The following DPEP2 variants were observed in gnomAD, a reference collection of about 807,000 sequenced individuals.
DPEP2 encodes the protein dipeptidase 2.
DPEP2 carries 45 observed loss-of-function variants against 51.8 expected under a neutral mutation model. The observed-to-expected ratio is 0.87, with a 90% CI of 0.68 to 1.11. The LOEUF is 1.11. Among genes scored for constraint, DPEP2 ranks in the 50% most tolerant of loss-of-function variants. The probability of loss-of-function intolerance (pLI) is 0.00; values close to 1 mark genes in which losing one functional copy is unlikely to be tolerated. For missense variants in DPEP2, 604 were observed against 631.9 expected, an observed-to-expected ratio of 0.96 and a Z score of 0.47; for synonymous variants, 255 against 262.7, an observed-to-expected ratio of 0.97 and a Z score of 0.28.
At chr16:67,988,314 G>T (rs1379333825) in intron 9 of DPEP2, among the ~76,000 whole-genome samples, 1 of 152,084 alleles carries the variant, frequency 6.6e-6, no homozygotes, top group Non-Finnish European at 1.5e-5. Context: ...GGAGGCCAAG[G>T]TGGGCGGATC....
Position 67,990,961 on chromosome 16 carries a change from C to G in DPEP2, c.769G>C (p.Val257Leu). 6.2e-7 allele frequency: 1 copy of G among 1,614,204 alleles called. No individual in the cohort carries two copies. The highest frequency in any genetic ancestry group is 8.5e-7 in the Non-Finnish European group (1 of 1,180,024). The change falls in exon 7 of 11, where the codon GTA (valine) becomes CTA (leucine). Residue 257 changes from valine to leucine, a missense_variant. Coordinates refer to ENST00000393847, the MANE Select transcript of DPEP2 (RefSeq NM_022355.4). ...GCATCTGAGACATGGGATAAGTCTA[C>G]CATCATGCCCAGGCGGTTCATTTCT... ...VAEMNRLGMM[V>L]DLSHVSDAVA...
Position 67,992,168 on chromosome 16 carries a change from T to C in DPEP2, c.416A>G (p.Gln139Arg), listed in dbSNP as rs763783491. The change falls in exon 4 of 11, where the codon CAG (glutamine) becomes CGG (arginine). Residue 139 changes from glutamine to arginine, a missense_variant. Coordinates refer to ENST00000393847, the MANE Select transcript of DPEP2 (RefSeq NM_022355.4). Reference sequence around the variant, plus strand: ...GCGCAGGGCATCCCGGTCCTGGGTCTGGCATGGCACATAGGCTGACCAGAA... The same window carrying C: ...GCGCAGGGCATCCCGGTCCTGGGTCCGGCATGGCACATAGGCTGACCAGAA... ...AQFWSAYVPC[Q>R]TQDRDALRLT... is the part of the protein sequence containing the mutation. The C allele has an allele frequency of 1.2e-6, 2 of 1,614,170 alleles. No individual in the cohort carries two copies. The highest frequency in any genetic ancestry group is 4.5e-5 in the East Asian group (2 of 44,886).
upstream of DPEP2, chr16:68,000,575 A>C (rs2032959847): frequency 1.2e-6 from 1 of 863,150 alleles, no homozygotes; most frequent in Non-Finnish European, 1.4e-6. Flanking sequence ...AATTCCCAAG[A>C]AACAATAGTC....
At chr16:67,992,828 C>T (rs1461008971) in intron 2 of DPEP2, 122 bp downstream of exon 2, 7 of 1,482,196 alleles carry the variant, frequency 4.7e-6, no homozygotes, top group Middle Eastern at 1.8e-4. Flanking sequence ...CCATGCATGA[C>T]GGGAGAGAGG....
intron 9 of DPEP2, among the ~76,000 whole-genome samples, chr16:67,988,472 G>A (rs765272228): frequency 1.3e-5 from 2 of 151,892 alleles, no homozygotes; most frequent in Non-Finnish European, 2.9e-5. Flanking sequence ...GCATCATGGC[G>A]CACACCTGTA....
intron 1 of DPEP2, chr16:67,993,686 G>C: frequency 1.0e-6 from 1 of 987,358 alleles, no homozygotes; most frequent in East Asian, 1.1e-4. Flanking sequence ...CGCCTGCAAC[G>C]TGTCCCGGCC....
At chr16:67,997,588 C>A (rs548526904) in intron 1 of DPEP2, among the ~76,000 whole-genome samples, 7 of 151,920 alleles carry the variant, frequency 4.6e-5, no homozygotes, top group African/African-American at 1.4e-4. Context: ...GATCTCCCGA[C>A]CTCGTGATCC....
chr16:67,993,259 T>C lies in DPEP2; in HGVS notation c.-45-2A>G, dbSNP rs1354418893. ...AGGCAGGGGTGGCAGTCAGAGAGCC[T>C]GAGAGGGGCGGGCGAGGGGCAGAGC... On this transcript the variant is annotated splice_acceptor_variant, in intron 1 of 10. Coordinates refer to ENST00000393847, the MANE Select transcript of DPEP2 (RefSeq NM_022355.4). LOFTEE classifies it low-confidence loss of function (5UTR_SPLICE). 2 of 1,396,902 alleles carry C rather than the reference T, an allele frequency of 1.4e-6. No individual in the cohort carries two copies. The highest frequency in any genetic ancestry group is 3.2e-5 in the South Asian group (2 of 62,990). The allele number at this position is 1,396,902 out of a possible 1,614,324, so 86.5% of individuals were successfully genotyped here.
At position 67,991,436 on chromosome 16, in the gene DPEP2, C is replaced by T. The variant is rs1319817588; in HGVS notation, c.663-252G>A. ...CCAGGCAGGAGTGCAGTGGTGCTGT[C>T]GTGCCATCTCAGCTCACTGAAACCT... On this transcript the variant is annotated intron_variant, in intron 5 of 10. Transcript: ENST00000393847. This position sits in a 1 kb window ranked among gnomAD's most constrained non-coding sequence, Gnocchi z 5.1. 3.4e-5 allele frequency among the ~76,000 whole-genome samples: 5 copies of T among 147,338 alleles called. No individual in the cohort carries two copies. The highest frequency in any genetic ancestry group is 1.3e-4 in the African/African-American group (5 of 39,486).
intron 3 of DPEP2, 103 bp from the exon 4 acceptor site, chr16:67,992,296 C>T: frequency 6.7e-7 from 1 of 1,500,274 alleles, no homozygotes; most frequent in Non-Finnish European, 9.0e-7. Flanking sequence ...GGCCAGGAGG[C>T]CACATGTAAT....
At position 67,993,045 on chromosome 16, in the gene DPEP2, G is replaced by T. The variant is rs767793407; in HGVS notation, c.168C>A (p.Gly56=). ...TGAGTGTGGTCGAGGGAGCGTAGGT[G>T]CCCGGCATGGTGTGGGCTCTGGGGG... ...LGAPRAHTMP[G]TYAPSTTLSS... The change falls in exon 2 of 11, where the codon GGC becomes GGA. Residue 56 remains glycine, a synonymous_variant. Coordinates refer to ENST00000393847, the MANE Select transcript of DPEP2 (RefSeq NM_022355.4). The T allele has an allele frequency of 3.8e-6, 6 of 1,582,418 alleles. No individual in the cohort carries two copies. The Middle Eastern group carries it at 5.0e-4, about 132-fold the overall frequency.
Position 67,987,530 on chromosome 16 carries a change from G to A in DPEP2, c.1437C>T (p.Phe479=). Residue 479 remains phenylalanine (F), a synonymous_variant, in exon 11 of 11, where the codon TTC becomes TTT. Coordinates refer to ENST00000393847, the MANE Select transcript of DPEP2 (RefSeq NM_022355.4). ...ATCAGAGCCACAGAATAAGGACTGG[G>A]AAGGTGGCCACAACTGCAAGGACTG... ...MAPVLAVVAT[F]PVLILWL is the part of the protein sequence containing the mutation. 1.9e-6 allele frequency: 3 copies of A among 1,613,962 alleles called. No individual in the cohort carries two copies. Among genetic ancestry groups the A allele is most frequent in the South Asian group, 1.1e-5 (1 of 91,066 alleles).
At chr16:68,000,398 G>A (rs1401786370), upstream of DPEP2, 1 of 979,440 alleles carries the variant, frequency 1.0e-6, no homozygotes, top group African/African-American at 1.8e-5. Context: ...TAGCTGCACA[G>A]GCTGCCTCCC....
intron 1 of DPEP2, among the ~76,000 whole-genome samples, chr16:67,997,407 A>C (rs935085084): frequency 4.6e-5 from 7 of 151,488 alleles, no homozygotes; most frequent in African/African-American, 1.7e-4. Context: ...CCCAGGCTGG[A>C]GTGCAGTGGC....
chr16:67,993,139 A>C lies in DPEP2; in HGVS notation c.74T>G (p.Leu25Arg). Residue 25 changes from leucine to arginine, a missense_variant, in exon 2 of 11, where the codon CTG becomes CGG. Leu to Arg is a moderately radical substitution (Grantham distance 102). Transcript: ENST00000393847. ...WPLLSLLLLLLLLQPVTCAYT... is the reference protein window; with the variant it reads ...WPLLSLLLLLRLLQPVTCAYT... ...GGCACAGGTTACAGGCTGGAGCAGCAGCAGCAGGAGCAGCAGACTCAGCAG... is the reference window on the plus strand; with the variant it reads ...GGCACAGGTTACAGGCTGGAGCAGCCGCAGCAGGAGCAGCAGACTCAGCAG... 6.5e-7 allele frequency: 1 copy of C among 1,533,254 alleles called. No individual in the cohort carries two copies. 95.0% of individuals were successfully genotyped at this position (1,533,254 alleles called of 1,614,324 possible).
Position 67,993,036 on chromosome 16 carries a change from A to G in DPEP2, c.177T>C (p.Ala59=). ...PRAHTMPGTY[A]PSTTLSSPST... ...TGGGACTACTGAGTGTGGTCGAGGG[A>G]GCGTAGGTGCCCGGCATGGTGTGGG... The change falls in exon 2 of 11, where the codon GCT becomes GCC. Residue 59 remains alanine, a synonymous_variant. Transcript: ENST00000393847. 3 of 1,587,518 alleles carry G rather than the reference A, an allele frequency of 1.9e-6. No homozygotes were observed. The highest frequency in any genetic ancestry group is 1.7e-6 in the Non-Finnish European group (2 of 1,166,494).
At position 67,991,195 on chromosome 16, in the gene DPEP2, G is replaced by T; in HGVS notation, c.663-11C>A. 6.2e-7 allele frequency: 1 copy of T among 1,612,330 alleles called. No individual in the cohort carries two copies. The highest frequency in any genetic ancestry group is 8.5e-7 in the Non-Finnish European group (1 of 1,179,944). ...GCGGAGCTCTCTGCCCTGCAGGGTGGCCAGGAAGCAGTCTGACTGGTAGCT... is the reference window on the plus strand; with the variant it reads ...GCGGAGCTCTCTGCCCTGCAGGGTGTCCAGGAAGCAGTCTGACTGGTAGCT... On this transcript the variant is annotated splice_polypyrimidine_tract_variant and intron_variant, in intron 5 of 10. Coordinates refer to ENST00000393847, the MANE Select transcript of DPEP2 (RefSeq NM_022355.4). This position sits in a 1 kb window ranked among gnomAD's most constrained non-coding sequence, Gnocchi z 5.1.
chr16:67,993,538 TC>T (rs1415831843), intron 1 of DPEP2: 110 of 1,078,482 alleles, frequency 1.0e-4, no homozygotes, highest in Admixed American at 2.0e-4. Context: ...CCTCCCACTG[TC>T]CCCAGGGGGC....
At chr16:67,989,917 T>C in intron 8 of DPEP2, 130 bp downstream of exon 8, 1 of 915,304 alleles carries the variant, frequency 1.1e-6, no homozygotes, top group Non-Finnish European at 1.7e-6. Flanking sequence ...TGCAGCTCCA[T>C]GTGACCAATG....
Sources: gnomAD v4.1 joint callset for allele counts (sites outside exome capture counted in the v4.1 genomes callset) on GRCh38, gnomAD v4.1.1 for gene constraint, Gnocchi (gnomAD v3.1) non-coding constraint, MANE v1.5 for transcripts, NCBI Gene and HGNC (gene_info 2026-07-23, HGNC 2026-07-21) for gene names.